The following GATA3 variants were observed in gnomAD, a reference collection of about 807,000 sequenced individuals.
The protein encoded by GATA3 is trans-acting T-cell-specific transcription factor GATA-3.
GATA3 carries 6 observed loss-of-function variants against 36.0 expected under a neutral mutation model. That is an observed-to-expected ratio of 0.17 (90% CI 0.09 to 0.33). The LOEUF (loss-of-function observed/expected upper bound fraction) is 0.33, where lower values mean the gene tolerates loss of function less well. Ranked by LOEUF, GATA3 falls within the 10% of genes least tolerant of loss-of-function variation. The pLI, the probability that GATA3 is intolerant of heterozygous loss-of-function variation, is 1.00. For synonymous variants in GATA3, 326 were observed against 273.0 expected (o/e 1.19, Z -1.92); for missense variants, 514 against 610.1 (o/e 0.84, Z 1.66).
At chr10:8,071,116 C>G (rs1413848308) in intron 5 of GATA3, among the ~76,000 whole-genome samples, 1 of 152,206 alleles carries the variant, frequency 6.6e-6, no homozygotes, top group African/African-American at 2.4e-5. Flanking sequence ...TACTTGATTA[C>G]ATTTGAGCCT....
intron 5 of GATA3, among the ~76,000 whole-genome samples, chr10:8,070,050 T>C (rs1055186592): frequency 6.6e-6 from 1 of 152,206 alleles, no homozygotes; most frequent in Non-Finnish European, 1.5e-5. Context: ...ACCCATTTGG[T>C]TACTGAGAGG....
At chr10:8,058,982 C>T (rs1201634799) in intron 3 of GATA3, 141 bp downstream of exon 3, 2 of 775,496 alleles carry the variant, frequency 2.6e-6, no homozygotes, top group Non-Finnish European at 4.1e-6. Context: ...ATTCTTCCTG[C>T]CGGGAAGGCA....
At chr10:8,050,683 A>G, upstream of GATA3, 12 of 215,978 alleles carry the variant, frequency 5.6e-5, no homozygotes, top group South Asian at 1.0e-4. Flanking sequence ...CTCCGGGGGG[A>G]GGGACTCGGC....
At chr10:8,047,911 A>ATT (rs199838253) in intron 1 of GATA3, among the ~76,000 whole-genome samples, 4 of 150,372 alleles carry the variant, frequency 2.7e-5, no homozygotes, top group African/African-American at 7.3e-5. Context: ...ACAAACATGG[A>ATT]TTTTTTTTTT....
upstream of GATA3, chr10:8,051,742 G>A (rs1432631618): frequency 7.4e-6 from 1 of 135,930 alleles, no homozygotes; most frequent in Non-Finnish European, 1.6e-5. Context: ...CCTTACCCCC[G>A]GCCAGGATCC....
chr10:8,065,921 C>A (rs1255612156), intron 4 of GATA3, among the ~76,000 whole-genome samples: 2 of 113,636 alleles, frequency 1.8e-5, no homozygotes, highest in African/African-American at 3.4e-5. Context: ...ATGATCACAC[C>A]ACAAAAGAAT....
intron 3 of GATA3, among the ~76,000 whole-genome samples, chr10:8,059,576 G>A (rs1447708820): frequency 1.3e-5 from 2 of 152,198 alleles, no homozygotes. Flanking sequence ...GCTTGGCTGA[G>A]CTGCAGCCAG....
At chr10:8,064,675 T>A (rs919769648) in intron 4 of GATA3, among the ~76,000 whole-genome samples, 9 of 152,216 alleles carry the variant, frequency 5.9e-5, no homozygotes, top group Admixed American at 1.3e-4. Context: ...ATTAAATGAA[T>A]TTCAGAGGCT....
At chr10:8,047,568 A>AT (rs1832407468) in intron 1 of GATA3, among the ~76,000 whole-genome samples, 1 of 152,212 alleles carries the variant, frequency 6.6e-6, no homozygotes, top group African/African-American at 2.4e-5. Flanking sequence ...AAACTGAGGA[A>AT]TCCCCCTTTT....
chr10:8,074,302 A>C lies in GATA3; in HGVS notation c.*279A>C, dbSNP rs898752289. 1.1e-5 allele frequency: 5 copies of C among 467,724 alleles called. No homozygotes were observed. Among genetic ancestry groups the C allele is most frequent in the African/African-American group, 9.7e-5 (5 of 51,790 alleles). 29.0% of individuals were successfully genotyped at this position (467,724 alleles called of 1,614,324 possible). On this transcript the variant is annotated 3_prime_UTR_variant, in exon 6 of 6. Coordinates refer to ENST00000379328, the MANE Select transcript of GATA3 (RefSeq NM_001002295.2). ...TGAAAAAAAAAATGCTGAACATTGCATATAACTTATATTGTAAGAAATACT... is the reference window on the plus strand; with the variant it reads ...TGAAAAAAAAAATGCTGAACATTGCCTATAACTTATATTGTAAGAAATACT...
At chr10:8,063,340 A>T (rs1367452114) in intron 3 of GATA3, among the ~76,000 whole-genome samples, 1 of 152,132 alleles carries the variant, frequency 6.6e-6, no homozygotes, top group Non-Finnish European at 1.5e-5. Flanking sequence ...CTGGAAAGCT[A>T]TGGAAACCCC....
upstream of GATA3, among the ~76,000 whole-genome samples, chr10:8,049,962 G>A (rs1185899686): frequency 6.6e-6 from 1 of 152,184 alleles, no homozygotes; most frequent in South Asian, 2.1e-4. Flanking sequence ...GGCCACAGCT[G>A]GACGCGCGCC....
chr10:8,065,980 A>T (rs190729350), intron 4 of GATA3, among the ~76,000 whole-genome samples: 1 of 104,244 alleles, frequency 9.6e-6, no homozygotes, highest in Admixed American at 9.5e-5. Context: ...AAAAAAAAAA[A>T]AGAGAGAGAG....
upstream of GATA3, chr10:8,053,869 G>C (rs1290719103): frequency 3.3e-5 from 5 of 152,256 alleles, no homozygotes; most frequent in South Asian, 8.3e-4. The surrounding 1 kb of genome is among the most constrained non-coding windows in gnomAD (Gnocchi z 5.1). Flanking sequence ...GAGCGTACTC[G>C]GGGAATGAGT....
At chr10:8,046,648 AGTGT>A (rs55947422) in intron 1 of GATA3, among the ~76,000 whole-genome samples, 44,446 of 137,562 alleles carry the variant, frequency 0.32, 8,030 homozygotes, top group East Asian at 0.74. Context: ...AATGGCTGGC[AGTGT>A]GTGTGTGTGT....
rs1477202920 is a variant in GATA3, at chr10:8,047,382, C to T, written c.-370+1867C>T. Among the ~76,000 whole-genome samples the T allele has an allele frequency of 2.6e-5, 4 of 152,358 alleles. No individual in the cohort carries two copies. In the South Asian group the frequency reaches 6.2e-4, roughly 24 times the overall value. ...TCCTCTAGCATTCGGTTATTTTTAA[C>T]TATTTCTAGGCTGCACTGAAGTGAT... On this transcript the variant is annotated intron_variant, in intron 1 of 1. Transcript: ENST00000643001.
intron 4 of GATA3, among the ~76,000 whole-genome samples, chr10:8,066,068 G>GT (rs563977714): frequency 0.01 from 1,011 of 97,758 alleles, 14 homozygotes; most frequent in African/African-American, 0.031. Flanking sequence ...TGTTTTTTTT[G>GT]TTTTTTCTGT....
At chr10:8,057,226 A>T (rs1384110080) in intron 2 of GATA3, among the ~76,000 whole-genome samples, 1 of 152,056 alleles carries the variant, frequency 6.6e-6, no homozygotes, top group African/African-American at 2.4e-5. Flanking sequence ...TTAAGATTTT[A>T]GTTTCAGTAT....
At chr10:8,056,183 G>C (rs1368274814) in intron 2 of GATA3, among the ~76,000 whole-genome samples, 1 of 152,122 alleles carries the variant, frequency 6.6e-6, no homozygotes, top group African/African-American at 2.4e-5. Context: ...TCTCTGCGCG[G>C]CTGCAGGTTT....
Sources: gnomAD v4.1 joint callset for allele counts (sites outside exome capture counted in the v4.1 genomes callset) on GRCh38, gnomAD v4.1.1 for gene constraint, Gnocchi (gnomAD v3.1) non-coding constraint, MANE v1.5 for transcripts, NCBI Gene and HGNC (gene_info 2026-07-23, HGNC 2026-07-21) for gene names.